Variants in ST18 observed in about 807,000 individuals in gnomAD.
ST18 encodes the protein ST18 C2H2C-type zinc finger transcription factor.
In ST18, 50 loss-of-function variants were observed where a neutral mutation model predicts 110.0. The ratio of observed to expected loss-of-function variants is 0.45; its 90% CI spans 0.36 to 0.58. ST18 has a LOEUF of 0.58. Ranked by LOEUF, ST18 falls within the 20% of genes least tolerant of loss-of-function variation. The probability of loss-of-function intolerance (pLI) is 0.00; values close to 1 mark genes in which losing one functional copy is unlikely to be tolerated. For missense variants in ST18, 1,306 were observed against 1,280.1 expected (o/e 1.02, Z -0.31); for synonymous variants, 461 against 452.4 (o/e 1.02, Z -0.24).
chr8:52,328,137 C>G (rs1261957805), intron 2 of ST18, among the ~76,000 whole-genome samples: 1 of 152,158 alleles, frequency 6.6e-6, no homozygotes, highest in Non-Finnish European at 1.5e-5. Flanking sequence ...AGTATTCATC[C>G]TAGTTTTGGT....
intron 2 of ST18, among the ~76,000 whole-genome samples, chr8:52,242,571 G>A (rs1564276770): frequency 6.6e-6 from 1 of 152,226 alleles, no homozygotes; most frequent in Non-Finnish European, 1.5e-5. Flanking sequence ...AGGCACTGTG[G>A]CCCATGCCTG....
At chr8:52,282,266 C>T (rs181917644) in intron 2 of ST18, among the ~76,000 whole-genome samples, 15 of 152,192 alleles carry the variant, frequency 9.9e-5, no homozygotes, top group African/African-American at 3.4e-4. Flanking sequence ...TACCTGTGAA[C>T]ATAGACAAAA....
At chr8:52,357,702 TA>T (rs1564568334) in intron 2 of ST18, among the ~76,000 whole-genome samples, 2,406 of 112,872 alleles carry the variant, frequency 0.021, 175 homozygotes, top group African/African-American at 0.073. Context: ...TATATATATA[TA>T]TATATATATA....
intron 2 of ST18, among the ~76,000 whole-genome samples, chr8:52,259,560 A>C (rs1355849604): frequency 6.6e-6 from 1 of 152,190 alleles, no homozygotes; most frequent in Non-Finnish European, 1.5e-5. Context: ...AAAGATGATA[A>C]ATGATTCCCT....
chr8:52,378,141 C>T (rs1169346115), intron 2 of ST18, among the ~76,000 whole-genome samples: 3 of 151,978 alleles, frequency 2.0e-5, no homozygotes, highest in Admixed American at 1.3e-4. Context: ...TTAATGAGTA[C>T]AAAATACAGC....
intron 14 of ST18, 93 bp downstream of exon 14, chr8:52,161,282 T>C (rs2061388694): frequency 6.1e-6 from 8 of 1,303,094 alleles, no homozygotes; most frequent in Non-Finnish European, 7.4e-6. Flanking sequence ...TAGTATATCA[T>C]ATATTTAAGT....
chr8:52,201,770 A>G (rs2078064655), intron 8 of ST18, among the ~76,000 whole-genome samples: 1 of 152,158 alleles, frequency 6.6e-6, no homozygotes, highest in Non-Finnish European at 1.5e-5. Flanking sequence ...GCCCGTCCTC[A>G]GACTCCCTGG....
At chr8:52,389,125 G>C (rs913277824) in intron 2 of ST18, among the ~76,000 whole-genome samples, 6 of 152,184 alleles carry the variant, frequency 3.9e-5, no homozygotes, top group African/African-American at 1.4e-4. Context: ...TGGCGCTTCA[G>C]GCGCTGCCCG....
chr8:52,389,143 G>A (rs1838294515), intron 2 of ST18, among the ~76,000 whole-genome samples: 1 of 152,160 alleles, frequency 6.6e-6, no homozygotes, highest in African/African-American at 2.4e-5. Context: ...CCGGGGCTTG[G>A]CTGTGGGGCT....
At chr8:52,144,249 A>G (rs1393026840) in intron 16 of ST18, among the ~76,000 whole-genome samples, 1 of 152,120 alleles carries the variant, frequency 6.6e-6, no homozygotes. Context: ...AAATCAGATG[A>G]ACTAATAAAA....
At chr8:52,305,862 G>T (rs1402269604) in intron 2 of ST18, among the ~76,000 whole-genome samples, 1 of 152,200 alleles carries the variant, frequency 6.6e-6, no homozygotes, top group African/African-American at 2.4e-5. Flanking sequence ...TTGCACCATT[G>T]CCTCTTCACT....
At chr8:52,195,952 C>T (rs2076064054) in intron 8 of ST18, among the ~76,000 whole-genome samples, 1 of 152,062 alleles carries the variant, frequency 6.6e-6, no homozygotes, top group Non-Finnish European at 1.5e-5. Flanking sequence ...CACATAGATT[C>T]CACTTTTTGT....
chr8:52,195,564 G>A (rs1334076730), intron 8 of ST18, among the ~76,000 whole-genome samples: 1 of 151,960 alleles, frequency 6.6e-6, no homozygotes, highest in Non-Finnish European at 1.5e-5. Context: ...CTATATTTGA[G>A]GAAGGAATAT....
chr8:52,353,845 G>A (rs537942924), intron 2 of ST18, among the ~76,000 whole-genome samples: 44 of 152,270 alleles, frequency 2.9e-4, no homozygotes, highest in African/African-American at 8.4e-4. Context: ...TAAGACTCCC[G>A]GTTGCAGGAA....
intron 16 of ST18, among the ~76,000 whole-genome samples, chr8:52,148,061 T>C (rs1269029998): frequency 6.6e-6 from 1 of 152,040 alleles, no homozygotes; most frequent in African/African-American, 2.4e-5. Context: ...CCTCTGTTTT[T>C]TGGCACAAGC....
At chr8:52,264,623 A>G (rs533324759) in intron 2 of ST18, among the ~76,000 whole-genome samples, 66 of 152,190 alleles carry the variant, frequency 4.3e-4, no homozygotes, top group Non-Finnish European at 8.4e-4. Flanking sequence ...GGTTTGAATG[A>G]TTAGAATTCT....
intron 2 of ST18, among the ~76,000 whole-genome samples, chr8:52,398,562 T>C (rs12543281): frequency 0.63 from 95,362 of 152,022 alleles, 32,216 homozygotes; most frequent in Non-Finnish European, 0.74. Context: ...CATAAATGGC[T>C]TTTATTATGT....
intron 8 of ST18, among the ~76,000 whole-genome samples, chr8:52,186,407 C>T (rs1429400298): frequency 2.6e-5 from 4 of 152,078 alleles, no homozygotes; most frequent in African/African-American, 9.7e-5. Context: ...ATGAAAAGAC[C>T]GACAAACCCC....
intron 2 of ST18, among the ~76,000 whole-genome samples, chr8:52,328,030 A>C (rs987136965): frequency 6.6e-6 from 1 of 152,350 alleles, no homozygotes; most frequent in African/African-American, 2.4e-5. Flanking sequence ...TCTTTCAGGA[A>C]CATGAGAATA....
Sources: allele counts gnomAD v4.1 joint callset (sites outside exome capture counted in the v4.1 genomes callset), GRCh38; gene constraint gnomAD v4.1.1; transcripts MANE v1.5; gene names NCBI Gene and HGNC (gene_info 2026-07-23, HGNC 2026-07-21).